Variants in LNPEP observed in about 807,000 individuals in gnomAD.
The protein encoded by LNPEP is leucyl and cystinyl aminopeptidase, also known as leucyl-cystinyl aminopeptidase.
A neutral mutation model predicts 120.6 loss-of-function variants in LNPEP; 64 were observed. That is an observed-to-expected ratio of 0.53 (90% CI 0.43 to 0.65). The LOEUF is 0.65. Among genes scored for constraint, LNPEP ranks in the 30% least tolerant of loss-of-function variants. LNPEP has a pLI of 0.00. For missense variants in LNPEP, 1,057 were observed against 1,200.0 expected, an observed-to-expected ratio of 0.88 and a Z score of 1.76; for synonymous variants, 435 against 425.4, an observed-to-expected ratio of 1.02 and a Z score of -0.28.
At chr5:96,957,955 T>C (rs1479714532) in intron 1 of LNPEP, among the ~76,000 whole-genome samples, 3 of 152,278 alleles carry the variant, frequency 2.0e-5, no homozygotes, top group African/African-American at 7.2e-5. Context: ...TCCTCTTTTC[T>C]GATTCTCTCC....
At chr5:97,013,931 G>T (rs1389460018) in intron 12 of LNPEP, 100 bp downstream of exon 12, 5 of 839,322 alleles carry the variant, frequency 6.0e-6, no homozygotes, top group East Asian at 5.2e-5. Flanking sequence ...AGCATGTATT[G>T]GTTGGTACAA....
intron 13 of LNPEP, among the ~76,000 whole-genome samples, chr5:97,019,262 T>G (rs1017519085): frequency 6.6e-6 from 1 of 152,328 alleles, no homozygotes; most frequent in Middle Eastern, 3.4e-3. Flanking sequence ...ATCATAGAGT[T>G]GCATTCTATT....
intron 1 of LNPEP, among the ~76,000 whole-genome samples, chr5:96,953,968 A>C (rs1789382307): frequency 6.6e-6 from 1 of 152,206 alleles, no homozygotes; most frequent in Admixed American, 6.5e-5. Flanking sequence ...TTGCTCACCA[A>C]GCCTTTGATT....
chr5:96,960,932 C>T (rs1195880725), intron 1 of LNPEP, among the ~76,000 whole-genome samples: 1 of 151,666 alleles, frequency 6.6e-6, no homozygotes, highest in African/African-American at 2.4e-5. Flanking sequence ...CAAGATGAAA[C>T]CATGTTGCTT....
chr5:96,941,923 G>GC (rs1487136645), intron 1 of LNPEP, among the ~76,000 whole-genome samples: 2 of 152,190 alleles, frequency 1.3e-5, no homozygotes, highest in Non-Finnish European at 2.9e-5. Context: ...CTTGATCCTT[G>GC]CAAGTCTTTG....
At chr5:96,997,962 C>G in intron 7 of LNPEP, 52 bp from the exon 8 acceptor site, 1 of 1,290,416 alleles carries the variant, frequency 7.7e-7, no homozygotes. Flanking sequence ...ATTTACTATA[C>G]TTTTGCATTT....
At position 96,996,506 on chromosome 5, in the gene LNPEP, A is replaced by G. The variant is rs1401582165; in HGVS notation, c.1521+3A>G. On this transcript the variant is annotated splice_donor_region_variant and intron_variant, in intron 7 of 17. Transcript: ENST00000231368. ...AAATATTCAAAGAGCTTTCTAGTGT[A>G]AGTACAGGGTTTCTTTGGCCTACTA... 3.4e-6 allele frequency: 5 copies of G among 1,461,140 alleles called. No homozygotes were observed. Among genetic ancestry groups the G allele is most frequent in the Non-Finnish European group, 4.8e-6 (5 of 1,041,726 alleles). 90.5% of individuals were successfully genotyped at this position (1,461,140 alleles called of 1,614,324 possible).
chr5:96,965,872 T>C (rs1039019227), intron 1 of LNPEP, among the ~76,000 whole-genome samples: 1 of 152,162 alleles, frequency 6.6e-6, no homozygotes, highest in Non-Finnish European at 1.5e-5. Flanking sequence ...TTTTTTAGGT[T>C]TTAGATTTTA....
chr5:96,953,488 C>T (rs1026276413), intron 1 of LNPEP, among the ~76,000 whole-genome samples: 2 of 152,296 alleles, frequency 1.3e-5, no homozygotes, highest in Admixed American at 6.5e-5. Context: ...CTCCTTCTCC[C>T]ACGTTTCTCA....
chr5:96,983,837 T>G (rs1790182017), intron 2 of LNPEP, among the ~76,000 whole-genome samples: 1 of 151,874 alleles, frequency 6.6e-6, no homozygotes, highest in African/African-American at 2.4e-5. Flanking sequence ...CTGAGGCGAG[T>G]AAAGGAAACC....
intron 11 of LNPEP, among the ~76,000 whole-genome samples, chr5:97,008,813 T>C (rs56140709): frequency 0.029 from 4,438 of 151,920 alleles, 97 homozygotes; most frequent in Middle Eastern, 0.071. Context: ...TACAGGCGCC[T>C]GCCACCATGC....
rs27297 is a variant in LNPEP at position 97,026,897 on chromosome 5, G to A, written c.2864+140G>A. 8.1e-3 allele frequency: 5,237 copies of A among 649,206 alleles called. 54 individuals carry two copies. Among genetic ancestry groups the A allele is most frequent in the South Asian group, 0.022 (1,017 of 46,156 alleles). 40.2% of individuals were successfully genotyped at this position (649,206 alleles called of 1,614,324 possible). On this transcript the variant is annotated intron_variant, in intron 16 of 17. Transcript: ENST00000231368. ...CCATGACAGTTTAACTGAAACATCC[G>A]GAAATTTTCACATTTGTTAACATAA...
intron 11 of LNPEP, chr5:97,010,208 CTT>C (rs1286426377): frequency 1.1e-6 from 1 of 879,738 alleles, no homozygotes; most frequent in African/African-American, 1.8e-5. Flanking sequence ...CTCTCTCTCT[CTT>C]TCTTATCCAC....
chr5:96,996,239 T>C (rs1451321427), intron 6 of LNPEP, 151 bp from the exon 7 acceptor site: 1 of 478,198 alleles, frequency 2.1e-6, no homozygotes, highest in Non-Finnish European at 3.7e-6. Flanking sequence ...CTAAATTAAT[T>C]TGAATATAGT....
In LNPEP at chr5:97,037,172, C is replaced by A. The variant is rs1007827976; in HGVS notation, c.*8639C>A. The A allele has an allele frequency of 2.0e-5, 3 of 152,126 alleles. No homozygotes were observed. Among genetic ancestry groups the A allele is most frequent in the Non-Finnish European group, 4.4e-5 (3 of 68,018 alleles). The allele number at this position is 152,126 out of a possible 1,614,324, so 9.4% of individuals were successfully genotyped here. ...GTTCCATGTTGCTGTGAAGAATAGC[C>A]TCTTTCAAATACTTTGGAAAGTAGT... is the stretch of plus-strand genomic sequence containing the variant. On this transcript the variant is annotated 3_prime_UTR_variant, in exon 18 of 18. Coordinates refer to ENST00000231368, the MANE Select transcript of LNPEP (RefSeq NM_005575.3).
chr5:97,012,350 T>C (rs1238909496), intron 11 of LNPEP, among the ~76,000 whole-genome samples: 2 of 152,204 alleles, frequency 1.3e-5, no homozygotes, highest in African/African-American at 2.4e-5. Flanking sequence ...TTCTTATCTC[T>C]ACTCTTCTTT....
chr5:96,944,283 A>G (rs551985905), intron 1 of LNPEP, among the ~76,000 whole-genome samples: 1 of 152,312 alleles, frequency 6.6e-6, no homozygotes, highest in Non-Finnish European at 1.5e-5. Flanking sequence ...AAAGAGTCAA[A>G]CTGTAAAATC....
At chr5:96,967,750 A>C (rs1478623389) in intron 1 of LNPEP, among the ~76,000 whole-genome samples, 1 of 152,114 alleles carries the variant, frequency 6.6e-6, no homozygotes, top group Non-Finnish European at 1.5e-5. Context: ...TTATGCATGG[A>C]CATGGAGGTA....
At chr5:96,949,188 C>T (rs1477364) in intron 1 of LNPEP, among the ~76,000 whole-genome samples, 50,712 of 152,092 alleles carry the variant, frequency 0.33, 9,030 homozygotes, top group Non-Finnish European at 0.42. Flanking sequence ...TTTGAATTTG[C>T]AACACTTTCA....
Sources: gnomAD v4.1 joint callset for allele counts (sites outside exome capture counted in the v4.1 genomes callset) on GRCh38, gnomAD v4.1.1 for gene constraint, MANE v1.5 for transcripts, NCBI Gene and HGNC (gene_info 2026-07-23, HGNC 2026-07-21) for gene names.